PCDH15: variants seen among roughly 807,000 people sequenced by gnomAD.
PCDH15 encodes the protein protocadherin related 15.
PCDH15 carries 129 observed loss-of-function variants against 178.5 expected under a neutral mutation model. That is an observed-to-expected ratio of 0.72 (90% CI 0.63 to 0.84). PCDH15 has a LOEUF of 0.84. PCDH15 is among the 40% of genes least tolerant of loss of function. The pLI, the probability that PCDH15 is intolerant of heterozygous loss-of-function variation, is 0.00. For missense variants in PCDH15, 2,230 were observed against 2,099.9 expected (o/e 1.06, Z -1.21); for synonymous variants, 800 against 732.0 (o/e 1.09, Z -1.50).
chr10:54,305,642 G>A (rs1326461760), intron 8 of PCDH15, among the ~76,000 whole-genome samples: 1 of 151,944 alleles, frequency 6.6e-6, no homozygotes, highest in Non-Finnish European at 1.5e-5. Flanking sequence ...TCAATTAAGT[G>A]AATATGCAAG....
intron 2 of PCDH15, among the ~76,000 whole-genome samples, chr10:54,918,773 A>T (rs1837410348): frequency 6.6e-6 from 1 of 152,196 alleles, no homozygotes; most frequent in Non-Finnish European, 1.5e-5. Context: ...TCTCCTTAGC[A>T]GTCACCTTTT....
At chr10:55,463,931 A>G (rs1223760481) in intron 2 of PCDH15, among the ~76,000 whole-genome samples, 3 of 20,824 alleles carry the variant, frequency 1.4e-4, no homozygotes, top group African/African-American at 7.3e-4. Flanking sequence ...GAAAGAAAGA[A>G]AGAAAGAAAG....
At chr10:54,609,065 G>A (rs1328307658) in intron 2 of PCDH15, among the ~76,000 whole-genome samples, 2 of 152,032 alleles carry the variant, frequency 1.3e-5, no homozygotes, top group African/African-American at 4.8e-5. Context: ...TATTCAATGT[G>A]AAACAAAACG....
intron 3 of PCDH15, among the ~76,000 whole-genome samples, chr10:54,876,264 C>T (rs761953674): frequency 1.4e-4 from 21 of 152,052 alleles, no homozygotes; most frequent in Admixed American, 9.2e-4. Flanking sequence ...TTTTAATATT[C>T]CTGCTTACTC....
intron 1 of PCDH15, among the ~76,000 whole-genome samples, chr10:55,268,932 C>T (rs990267963): frequency 6.6e-6 from 1 of 152,118 alleles, no homozygotes; most frequent in African/African-American, 2.4e-5. Flanking sequence ...AAACTTAATA[C>T]ACCATGATTA....
chr10:55,037,832 T>G (rs1186483005), intron 2 of PCDH15, among the ~76,000 whole-genome samples: 1 of 152,214 alleles, frequency 6.6e-6, no homozygotes, highest in Non-Finnish European at 1.5e-5. Flanking sequence ...TCATCTTAAA[T>G]GTAATATCTT....
intron 1 of PCDH15, among the ~76,000 whole-genome samples, chr10:55,309,939 T>C (rs554803533): frequency 5.5e-4 from 84 of 152,182 alleles, no homozygotes; most frequent in Non-Finnish European, 9.9e-4. Flanking sequence ...GCTCTTTCTC[T>C]ATGCCTATTC....
chr10:54,861,817 C>T (rs1455653429), intron 3 of PCDH15, among the ~76,000 whole-genome samples: 9 of 152,182 alleles, frequency 5.9e-5, no homozygotes, highest in Non-Finnish European at 1.2e-4. Flanking sequence ...CTCCAAAAGA[C>T]TCCTACATCT....
chr10:54,348,372 G>A (rs934993699), intron 5 of PCDH15, among the ~76,000 whole-genome samples: 2 of 152,142 alleles, frequency 1.3e-5, no homozygotes, highest in South Asian at 2.1e-4. Flanking sequence ...AGACGAGATC[G>A]TTTAAGTAGT....
At chr10:54,558,714 C>A (rs981035332) in intron 2 of PCDH15, among the ~76,000 whole-genome samples, 1 of 151,984 alleles carries the variant, frequency 6.6e-6, no homozygotes, top group African/African-American at 2.4e-5. Context: ...ACTATTAATA[C>A]TACTATTTTG....
At chr10:55,443,068 G>GGGAAAACTGGCTAGCCATATGC (rs1279880572) in intron 2 of PCDH15, among the ~76,000 whole-genome samples, 15 of 152,064 alleles carry the variant, frequency 9.9e-5, no homozygotes, top group Non-Finnish European at 1.8e-4. Context: ...AAATGGTATT[G>GGGAAAACTGGCTAGCCATATGC]GGAAAACTGG....
chr10:55,341,726 C>T lies in PCDH15; in HGVS notation c.-155-175075G>A, dbSNP rs1229815670. On this transcript the variant is annotated intron_variant, in intron 2 of 5. Coordinates refer to the PCDH15 transcript ENST00000613346. ...CTGGGACTACAGGCATGCGCCACCA[C>T]GCCCAGCTAATTTTTTTTGTATATA... Among the ~76,000 whole-genome samples the T allele has an allele frequency of 6.4e-5, 9 of 140,920 alleles. No individual in the cohort carries two copies. The East Asian group carries it at 1.3e-3, about 20-fold the overall frequency. 92.4% of individuals were successfully genotyped at this position (140,920 alleles called of 152,430 possible).
chr10:54,815,411 A>G (rs1239886241), intron 3 of PCDH15, among the ~76,000 whole-genome samples: 3 of 152,120 alleles, frequency 2.0e-5, no homozygotes, highest in Non-Finnish European at 4.4e-5. Context: ...TTGTAACTGC[A>G]TAACATTTAC....
At chr10:54,475,724 A>G (rs1285083175) in intron 3 of PCDH15, among the ~76,000 whole-genome samples, 2 of 151,822 alleles carry the variant, frequency 1.3e-5, no homozygotes, top group African/African-American at 4.8e-5. Flanking sequence ...CTATTAGAAA[A>G]CTGGTATCTG....
chr10:55,143,697 T>C (rs1404002059), intron 2 of PCDH15, among the ~76,000 whole-genome samples: 1 of 152,092 alleles, frequency 6.6e-6, no homozygotes, highest in Non-Finnish European at 1.5e-5. Flanking sequence ...GACCAGTAAT[T>C]GCATAGCACT....
chr10:55,074,473 GC>G (rs1436408860), intron 2 of PCDH15, among the ~76,000 whole-genome samples: 1 of 152,090 alleles, frequency 6.6e-6, no homozygotes, highest in Non-Finnish European at 1.5e-5. Context: ...GTGATGTTGA[GC>G]TTTCTTTCAT....
At chr10:54,411,801 T>C (rs1037082501) in intron 3 of PCDH15, among the ~76,000 whole-genome samples, 4 of 152,138 alleles carry the variant, frequency 2.6e-5, no homozygotes, top group African/African-American at 9.6e-5. Flanking sequence ...AAAAGCTTAG[T>C]TGAATTGATA....
At chr10:55,186,309 T>C (rs1365548546) in intron 1 of PCDH15, among the ~76,000 whole-genome samples, 2 of 151,488 alleles carry the variant, frequency 1.3e-5, no homozygotes, top group Admixed American at 1.3e-4. Context: ...AAAAAAACTT[T>C]TTGCTTTATG....
At chr10:54,443,645 T>C (rs998871023) in intron 3 of PCDH15, among the ~76,000 whole-genome samples, 1 of 151,738 alleles carries the variant, frequency 6.6e-6, no homozygotes, top group African/African-American at 2.4e-5. Context: ...TTTCATAAAA[T>C]GCTAATTTCT....
Sources: allele counts gnomAD v4.1 joint callset (sites outside exome capture counted in the v4.1 genomes callset), GRCh38; gene constraint gnomAD v4.1.1; transcripts MANE v1.5; gene names NCBI Gene and HGNC (gene_info 2026-07-23, HGNC 2026-07-21).